CACNA1D: variants seen among roughly 807,000 people sequenced by gnomAD.
CACNA1D encodes the protein voltage-dependent L-type calcium channel subunit alpha-1D.
In CACNA1D, 55 loss-of-function variants were observed where a neutral mutation model predicts 257.1. The ratio of observed to expected loss-of-function variants is 0.21; its 90% CI spans 0.17 to 0.27. CACNA1D has a LOEUF of 0.27. Ranked by LOEUF, CACNA1D falls within the 10% of genes least tolerant of loss-of-function variation. The pLI, the probability that CACNA1D is intolerant of heterozygous loss-of-function variation, is 1.00. For missense variants in CACNA1D, 1,876 were observed against 2,784.0 expected, an observed-to-expected ratio of 0.67 and a Z score of 7.34; for synonymous variants, 980 against 1,014.9, an observed-to-expected ratio of 0.97 and a Z score of 0.65.
chr3:53,731,593 C>G (rs1009672991), intron 17 of CACNA1D, among the ~76,000 whole-genome samples: 2 of 152,196 alleles, frequency 1.3e-5, no homozygotes, highest in Admixed American at 6.5e-5. Flanking sequence ...TGTTCTTTCT[C>G]TGTTCATCGA....
chr3:53,660,353 T>A, intron 5 of CACNA1D, 78 bp downstream of exon 5: 1 of 1,404,252 alleles, frequency 7.1e-7, no homozygotes, highest in Non-Finnish European at 1.0e-6. Context: ...ACTGGTGCTT[T>A]GAGGTGAGTT....
chr3:53,705,780 A>G (rs1299218420), intron 9 of CACNA1D, among the ~76,000 whole-genome samples: 1 of 152,286 alleles, frequency 6.6e-6, no homozygotes, highest in Middle Eastern at 3.4e-3. Flanking sequence ...CTGATCACAG[A>G]CCTCAGCAGC....
intron 3 of CACNA1D, among the ~76,000 whole-genome samples, chr3:53,504,060 T>TG (rs1217701956): frequency 6.6e-6 from 1 of 152,052 alleles, no homozygotes; most frequent in Non-Finnish European, 1.5e-5. Flanking sequence ...TTTTTGTTTT[T>TG]TTTTTTTTAA....
chr3:53,631,550 G>A (rs2093822828), intron 3 of CACNA1D, among the ~76,000 whole-genome samples: 1 of 152,174 alleles, frequency 6.6e-6, no homozygotes, highest in Non-Finnish European at 1.5e-5. Context: ...TCCTGTTAAT[G>A]TTGAAATGTT....
chr3:53,499,508 A>G (rs931954317), intron 2 of CACNA1D, among the ~76,000 whole-genome samples: 16 of 152,096 alleles, frequency 1.1e-4, no homozygotes, highest in Non-Finnish European at 1.6e-4. Context: ...TCTCCTTATC[A>G]GAAGGAATTG....
At position 53,666,319 on chromosome 3, in the gene CACNA1D, C is replaced by T. The variant is rs772481162; in HGVS notation, c.920-20C>T. Reference sequence around the variant, plus strand: ...GATGTTTCTGTCCTGAGCGGTACAGCCTGTTTGCTCTGTTTGCAGATATCG... The same window carrying T: ...GATGTTTCTGTCCTGAGCGGTACAGTCTGTTTGCTCTGTTTGCAGATATCG... On this transcript the variant is annotated intron_variant, in intron 6 of 47. Coordinates refer to ENST00000350061, the MANE Select transcript of CACNA1D (RefSeq NM_001128840.3). The T allele has an allele frequency of 1.2e-6, 2 of 1,610,114 alleles. No individual in the cohort carries two copies. The highest frequency in any genetic ancestry group is 2.2e-5 in the East Asian group (1 of 44,854).
intron 8 of CACNA1D, among the ~76,000 whole-genome samples, chr3:53,678,420 G>A (rs1156589438): frequency 6.6e-6 from 1 of 152,086 alleles, no homozygotes; most frequent in Non-Finnish European, 1.5e-5. Context: ...CAATTAATTT[G>A]TATTCTTGGT....
intron 30 of CACNA1D, among the ~76,000 whole-genome samples, chr3:53,764,438 A>T (rs3774571): frequency 0.66 from 100,527 of 151,660 alleles, 33,787 homozygotes; most frequent in African/African-American, 0.72. Flanking sequence ...AACCAGCAGC[A>T]GGGCAGATCT....
At chr3:53,738,449 A>T (rs985051219) in intron 20 of CACNA1D, among the ~76,000 whole-genome samples, 1 of 152,198 alleles carries the variant, frequency 6.6e-6, no homozygotes, top group Non-Finnish European at 1.5e-5. Flanking sequence ...GCCCCAATAG[A>T]AGAAAGACCT....
intron 3 of CACNA1D, among the ~76,000 whole-genome samples, chr3:53,591,906 A>G (rs1000718954): frequency 1.3e-4 from 20 of 152,302 alleles, no homozygotes; most frequent in African/African-American, 4.6e-4. Flanking sequence ...TTTTGTCACC[A>G]GTGTTGGGCA....
intron 5 of CACNA1D, among the ~76,000 whole-genome samples, chr3:53,665,106 G>C (rs1388378838): frequency 6.6e-6 from 1 of 152,194 alleles, no homozygotes; most frequent in Non-Finnish European, 1.5e-5. Flanking sequence ...ACAGTTTGCT[G>C]TTTGATCATA....
At chr3:53,758,696 G>T (rs1478628890) in intron 29 of CACNA1D, among the ~76,000 whole-genome samples, 6 of 152,190 alleles carry the variant, frequency 3.9e-5, no homozygotes, top group Non-Finnish European at 7.3e-5. Context: ...TGACTTGTTT[G>T]GTCTTTTCAG....
In CACNA1D at chr3:53,495,135, G is replaced by T; in HGVS notation, c.-32G>T. 1 of 1,566,866 alleles carries T rather than the reference G, an allele frequency of 6.4e-7. No individual in the cohort carries two copies. The highest frequency in any genetic ancestry group is 8.7e-7 in the Non-Finnish European group (1 of 1,143,734). ...GCCTCAACGCCCAGCACAGTGCCCT[G>T]CACACAGTAGTCGCTCAATAAATGT... is the stretch of plus-strand genomic sequence containing the variant. On this transcript the variant is annotated 5_prime_UTR_variant, in exon 1 of 48. Transcript: ENST00000350061. The surrounding 1 kb of genome is among the most constrained non-coding windows in gnomAD (Gnocchi z 5.1).
chr3:53,775,741 G>GA (rs1302124626), intron 34 of CACNA1D, 145 bp from the exon 35 acceptor site: 99 of 833,260 alleles, frequency 1.2e-4, no homozygotes, highest in African/African-American at 1.7e-5. Context: ...AAATCAGTAG[G>GA]AATTTCACAT....
intron 3 of CACNA1D, 119 bp from the exon 4 acceptor site, chr3:53,650,660 T>C: frequency 1.9e-6 from 2 of 1,062,332 alleles, no homozygotes; most frequent in Non-Finnish European, 2.9e-6. Flanking sequence ...AATGAAACTT[T>C]GTTTGGAGGG....
chr3:53,691,668 A>G (rs931714593), intron 8 of CACNA1D, among the ~76,000 whole-genome samples: 2 of 127,318 alleles, frequency 1.6e-5, no homozygotes, highest in Non-Finnish European at 3.3e-5. Context: ...GTGTGTGTGT[A>G]TATATGTAAT....
intron 19 of CACNA1D, among the ~76,000 whole-genome samples, chr3:53,734,375 TATAC>T (rs909050598): frequency 1.3e-5 from 2 of 152,066 alleles, no homozygotes; most frequent in Non-Finnish European, 2.9e-5. Flanking sequence ...ATATTTTAGA[TATAC>T]ATATATACAC....
chr3:53,664,819 A>G (rs2094243510), intron 5 of CACNA1D, among the ~76,000 whole-genome samples: 2 of 152,250 alleles, frequency 1.3e-5, no homozygotes, highest in Non-Finnish European at 2.9e-5. Context: ...TATATTTGGA[A>G]GAAGGGGTCA....
At chr3:53,554,496 G>A (rs2092601713) in intron 3 of CACNA1D, among the ~76,000 whole-genome samples, 2 of 152,170 alleles carry the variant, frequency 1.3e-5, no homozygotes, top group South Asian at 4.1e-4. Context: ...AGTTCAAGGG[G>A]CTCCCTTCTT....
Sources: gnomAD v4.1 joint callset for allele counts (sites outside exome capture counted in the v4.1 genomes callset) on GRCh38, gnomAD v4.1.1 for gene constraint, Gnocchi (gnomAD v3.1) non-coding constraint, MANE v1.5 for transcripts, NCBI Gene and HGNC (gene_info 2026-07-23, HGNC 2026-07-21) for gene names.